The following RNF216 variants were observed in gnomAD, a reference collection of about 807,000 sequenced individuals.
The protein encoded by RNF216 is ring finger protein 216, also known as E3 ubiquitin-protein ligase RNF216.
In RNF216, 72 loss-of-function variants were observed where a neutral mutation model predicts 110.8. That is an observed-to-expected ratio of 0.65 (90% CI 0.54 to 0.79). The LOEUF (loss-of-function observed/expected upper bound fraction) is 0.79. RNF216 is among the 30% of genes least tolerant of loss of function. The probability of loss-of-function intolerance (pLI) is 0.00; values close to 1 mark genes in which losing one functional copy is unlikely to be tolerated. For missense variants in RNF216, 1,342 were observed against 1,141.2 expected (o/e 1.18, Z -2.54); for synonymous variants, 495 against 407.5 (o/e 1.21, Z -2.59).
intron 2 of RNF216, among the ~76,000 whole-genome samples, chr7:5,754,437 T>C (rs1376425620): frequency 1.3e-5 from 2 of 152,020 alleles, no homozygotes; most frequent in East Asian, 3.9e-4. Flanking sequence ...GTCACTGGGA[T>C]GACAGGCATG....
At chr7:5,643,689 A>G (rs1484760640) in intron 14 of RNF216, among the ~76,000 whole-genome samples, 2 of 152,178 alleles carry the variant, frequency 1.3e-5, no homozygotes, top group Non-Finnish European at 2.9e-5. Flanking sequence ...AAATGCACAT[A>G]AAATTGACTT....
intron 15 of RNF216, among the ~76,000 whole-genome samples, chr7:5,626,136 G>C (rs1324100790): frequency 1.3e-5 from 2 of 152,212 alleles, no homozygotes; most frequent in Non-Finnish European, 1.5e-5. Context: ...TCCTGAGGGA[G>C]CTGTCTCTCT....
At chr7:5,735,903 T>C (rs1245024683) in intron 5 of RNF216, among the ~76,000 whole-genome samples, 1 of 152,170 alleles carries the variant, frequency 6.6e-6, no homozygotes, top group African/African-American at 2.4e-5. Context: ...AAGACCAGCC[T>C]GGCCAACATA....
intron 13 of RNF216, among the ~76,000 whole-genome samples, chr7:5,691,260 C>T (rs970743855): frequency 3.3e-5 from 5 of 152,178 alleles, no homozygotes; most frequent in African/African-American, 4.8e-5. Flanking sequence ...CCACTCGGGC[C>T]GACGGCAGCA....
At position 5,698,469 on chromosome 7, in the gene RNF216, G is replaced by A. The variant is rs114990083; in HGVS notation, c.2061+13292C>T. On this transcript the variant is annotated intron_variant, in intron 13 of 16. Transcript: ENST00000389902. Reference sequence around the variant, plus strand: ...CAGTGGCATGATCATGGTTCACAGCGGCCTCGATCTTCTGGGCTCAGGTGA... The same window carrying A: ...CAGTGGCATGATCATGGTTCACAGCAGCCTCGATCTTCTGGGCTCAGGTGA... 8.4e-3 allele frequency among the ~76,000 whole-genome samples: 1,283 copies of A among 151,846 alleles called. 15 individuals are homozygous for A. Among genetic ancestry groups the A allele is most frequent in the African/African-American group, 0.027 (1,098 of 41,390 alleles).
chr7:5,645,503 CT>C (rs1562785014), intron 14 of RNF216, among the ~76,000 whole-genome samples: 1 of 152,166 alleles, frequency 6.6e-6, no homozygotes, highest in Non-Finnish European at 1.5e-5. Flanking sequence ...ATTCTTCTGC[CT>C]GCTCAAATCT....
At position 5,716,746 on chromosome 7, in the gene RNF216, G is replaced by A; in HGVS notation, c.1665C>T (p.Ala555=). The A allele has an allele frequency of 6.2e-7, 1 of 1,604,656 alleles. No individual in the cohort carries two copies. The highest frequency in any genetic ancestry group is 1.1e-5 in the South Asian group (1 of 89,162). ...EMAEHEDFLL[A]LQMNEEQYQK... is the part of the protein sequence containing the mutation. ...GATACTGTTCTTCATTCATCTGTAGGGCAAGCAAAAAGTCTTCATGCTGAA... is the reference window on the plus strand; with the variant it reads ...GATACTGTTCTTCATTCATCTGTAGAGCAAGCAAAAAGTCTTCATGCTGAA... The change falls in exon 10 of 17, where the codon GCC becomes GCT. Residue 555 remains alanine, a synonymous_variant. Transcript: ENST00000389902.
intron 14 of RNF216, among the ~76,000 whole-genome samples, chr7:5,646,643 A>G (rs146724586): frequency 0.042 from 6,352 of 152,074 alleles, 175 homozygotes; most frequent in East Asian, 0.091. Context: ...CAGTGAGCCA[A>G]GATTGCACCA....
intron 13 of RNF216, among the ~76,000 whole-genome samples, chr7:5,657,220 C>T (rs1394506908): frequency 6.6e-6 from 1 of 152,234 alleles, no homozygotes; most frequent in Non-Finnish European, 1.5e-5. Flanking sequence ...TACGCTGTTG[C>T]CAATCCAGAA....
At chr7:5,747,519 T>C (rs1168428856) in intron 3 of RNF216, among the ~76,000 whole-genome samples, 1 of 152,000 alleles carries the variant, frequency 6.6e-6, no homozygotes, top group Admixed American at 6.6e-5. Flanking sequence ...AGCTCTACGG[T>C]GTTATCTGAA....
At chr7:5,651,001 G>A (rs1343590315) in intron 14 of RNF216, among the ~76,000 whole-genome samples, 3 of 152,178 alleles carry the variant, frequency 2.0e-5, no homozygotes, top group African/African-American at 7.2e-5. Context: ...TACATACGGT[G>A]CTTGCCTTGC....
intron 1 of RNF216, among the ~76,000 whole-genome samples, chr7:5,765,557 G>T (rs1027134919): frequency 6.6e-6 from 1 of 151,694 alleles, no homozygotes; most frequent in Non-Finnish European, 1.5e-5. Flanking sequence ...TTGAGCCCAG[G>T]AGTTCGACAC....
chr7:5,758,851 T>C (rs773953859), intron 2 of RNF216, among the ~76,000 whole-genome samples: 1 of 152,130 alleles, frequency 6.6e-6, no homozygotes, highest in African/African-American at 2.4e-5. Context: ...AGTTAAGACT[T>C]TGGGGACTGT....
intron 16 of RNF216, among the ~76,000 whole-genome samples, chr7:5,623,559 C>G (rs1039837064): frequency 6.6e-6 from 1 of 151,972 alleles, no homozygotes; most frequent in Non-Finnish European, 1.5e-5. Context: ...CTCACCCTCC[C>G]GAGTGCTGGG....
chr7:5,651,101 C>T (rs533957998), intron 14 of RNF216, among the ~76,000 whole-genome samples: 5 of 152,306 alleles, frequency 3.3e-5, no homozygotes, highest in Admixed American at 6.5e-5. Flanking sequence ...AGAAAAGCTG[C>T]CTGCTTGGCA....
chr7:5,757,660 T>C lies in RNF216; in HGVS notation c.67+3343A>G, dbSNP rs377706123. 6.6e-5 allele frequency among the ~76,000 whole-genome samples: 10 copies of C among 152,310 alleles called. No individual in the cohort carries two copies. The East Asian group carries it at 1.9e-3, about 29-fold the overall frequency. ...GTACAAAGAATATATACAGTATGTATAATTCCATTTATATGAAATGACAGA... is the reference window on the plus strand; with the variant it reads ...GTACAAAGAATATATACAGTATGTACAATTCCATTTATATGAAATGACAGA... On this transcript the variant is annotated intron_variant, in intron 2 of 16. Transcript: ENST00000389902.
chr7:5,778,637 A>C (rs1011887022), intron 1 of RNF216, among the ~76,000 whole-genome samples: 1 of 152,234 alleles, frequency 6.6e-6, no homozygotes, highest in Non-Finnish European at 1.5e-5. Context: ...TAATTATAGA[A>C]GGATAATTAG....
intron 7 of RNF216, among the ~76,000 whole-genome samples, chr7:5,726,490 T>C (rs1462200790): frequency 6.6e-6 from 1 of 152,178 alleles, no homozygotes; most frequent in East Asian, 1.9e-4. Flanking sequence ...TCAAAATCCT[T>C]CCACTGGTGA....
intron 11 of RNF216, 24 bp from the exon 12 acceptor site, chr7:5,712,887 G>C: frequency 6.4e-7 from 1 of 1,560,914 alleles, no homozygotes; most frequent in Non-Finnish European, 8.7e-7. Context: ...AAAAGGCAAA[G>C]AAAAAAAAAT....
Sources: gnomAD v4.1 joint callset for allele counts (sites outside exome capture counted in the v4.1 genomes callset) on GRCh38, gnomAD v4.1.1 for gene constraint, MANE v1.5 for transcripts, NCBI Gene and HGNC (gene_info 2026-07-23, HGNC 2026-07-21) for gene names.